Variants in WIPF3 observed in about 807,000 individuals in gnomAD.
WIPF3 encodes WAS/WASL-interacting protein family member 3.
WIPF3 carries 33 observed loss-of-function variants against 38.9 expected under a neutral mutation model. The observed-to-expected ratio is 0.85, with a 90% CI of 0.64 to 1.14. The LOEUF (loss-of-function observed/expected upper bound fraction) is 1.14, where lower values mean the gene tolerates loss of function less well. Among genes scored for constraint, WIPF3 ranks in the 50% most tolerant of loss-of-function variants. The probability of loss-of-function intolerance (pLI) is 0.00; values close to 1 mark genes in which losing one functional copy is unlikely to be tolerated. For missense variants in WIPF3, 711 were observed against 652.5 expected (o/e 1.09, Z -0.98); for synonymous variants, 324 against 269.3 (o/e 1.20, Z -1.99).
chr7:29,819,006 T>G (rs958177673), intron 1 of WIPF3, among the ~76,000 whole-genome samples: 1 of 152,204 alleles, frequency 6.6e-6, no homozygotes, highest in African/African-American at 2.4e-5. Context: ...ATTCTGTTCA[T>G]TTATGCTTAT....
chr7:29,862,340 T>A (rs1028863512), intron 2 of WIPF3, among the ~76,000 whole-genome samples: 2 of 152,146 alleles, frequency 1.3e-5, no homozygotes, highest in African/African-American at 4.8e-5. Flanking sequence ...TTTCCGGATG[T>A]CTAAACTTTC....
intron 8 of WIPF3, among the ~76,000 whole-genome samples, chr7:29,910,881 G>A (rs956537691): frequency 4.0e-4 from 61 of 152,196 alleles, no homozygotes; most frequent in African/African-American, 1.4e-3. Flanking sequence ...TGCTTTCATC[G>A]CTTCTATTCA....
rs530039064 is a variant in WIPF3, at chr7:29,833,158, T to C, written c.-57-1510T>C. On this transcript the variant is annotated intron_variant, in intron 1 of 8. Transcript: ENST00000242140. ...AAGTAGAACAGAGGTTACTGGGGGC[T>C]GAGGGGAGGAGACAGTGGGGAGTTA... Among the ~76,000 whole-genome samples the C allele has an allele frequency of 7.9e-5, 12 of 152,260 alleles. No individual in the cohort carries two copies. In the East Asian group the frequency reaches 1.4e-3, roughly 17 times the overall value.
At chr7:29,900,919 G>C (rs1786262890) in intron 7 of WIPF3, among the ~76,000 whole-genome samples, 1 of 152,162 alleles carries the variant, frequency 6.6e-6, no homozygotes, top group African/African-American at 2.4e-5. Context: ...GCCCAGAGCT[G>C]ACAGTTAGGT....
chr7:29,857,021 GA>G (rs1785196440), intron 2 of WIPF3, among the ~76,000 whole-genome samples: 1 of 152,164 alleles, frequency 6.6e-6, no homozygotes, highest in Non-Finnish European at 1.5e-5. Context: ...GAGATAATAT[GA>G]AGTAATATAT....
At chr7:29,870,816 G>A (rs757155983) in intron 2 of WIPF3, among the ~76,000 whole-genome samples, 84 of 152,212 alleles carry the variant, frequency 5.5e-4, no homozygotes, top group Admixed American at 1.2e-3. Context: ...AATTAGCTGG[G>A]CGTGGTGGTG....
At chr7:29,901,286 C>A (rs1033156398) in intron 7 of WIPF3, among the ~76,000 whole-genome samples, 12 of 151,940 alleles carry the variant, frequency 7.9e-5, no homozygotes, top group Admixed American at 3.3e-4. Flanking sequence ...ATTCTGGTGG[C>A]ATCTCATAAG....
At chr7:29,880,233 C>A (rs1785687340) in intron 4 of WIPF3, among the ~76,000 whole-genome samples, 1 of 152,164 alleles carries the variant, frequency 6.6e-6, no homozygotes, top group Non-Finnish European at 1.5e-5. Context: ...GGAGGAAATA[C>A]AAAGGCCCAA....
chr7:29,892,233 C>T (rs527310389), intron 7 of WIPF3, among the ~76,000 whole-genome samples: 3 of 152,308 alleles, frequency 2.0e-5, no homozygotes, highest in South Asian at 2.1e-4. Flanking sequence ...TGGCCCCCTA[C>T]AGTCACAGAG....
intron 1 of WIPF3, among the ~76,000 whole-genome samples, chr7:29,830,101 G>A (rs1000568151): frequency 3.5e-4 from 51 of 147,552 alleles, no homozygotes; most frequent in Admixed American, 8.8e-4. Flanking sequence ...ATTGTATCTG[G>A]AAAAAAAAAA....
chr7:29,875,751 A>C, intron 2 of WIPF3, 79 bp from the exon 3 acceptor site: 1 of 1,559,154 alleles, frequency 6.4e-7, no homozygotes, highest in South Asian at 1.2e-5. Context: ...GAACTGCAAG[A>C]GGAGAAACTG....
Position 29,884,373 on chromosome 7 carries a change from G to GCCCCCCCCC in WIPF3, c.884_885insCCCCCCCCC (p.Pro293_Pro295dup). On this transcript the variant is annotated inframe_insertion, in exon 5 of 9. Transcript: ENST00000242140. The stretch of plus-strand genomic sequence containing the variant: ...ATGCGCAGGAGCCTCCCGCCCCGCC[G>GCCCCCCCCC]CCCCCGCTCCCCCCTTATGCTTCTT... 3 of 458,248 alleles carry GCCCCCCCCC rather than the reference G, an allele frequency of 6.5e-6. No individual in the cohort carries two copies. The allele number at this position is 458,248 out of a possible 1,614,324, so 28.4% of individuals were successfully genotyped here. A position where few individuals can be genotyped will look rare whatever the true frequency, so the allele number is the denominator to read the frequency against.
At chr7:29,850,801 A>G (rs1339917103) in intron 2 of WIPF3, among the ~76,000 whole-genome samples, 2 of 152,210 alleles carry the variant, frequency 1.3e-5, no homozygotes, top group East Asian at 3.8e-4. Context: ...TGTTGGAGGG[A>G]TACCTGAGCT....
chr7:29,869,216 C>T (rs1027590659), intron 2 of WIPF3, among the ~76,000 whole-genome samples: 4 of 152,088 alleles, frequency 2.6e-5, no homozygotes, highest in African/African-American at 7.2e-5. Context: ...TTAGTAGAGA[C>T]GGGGTTTCTC....
chr7:29,820,019 C>CA (rs1351944862), intron 1 of WIPF3, among the ~76,000 whole-genome samples: 1 of 151,924 alleles, frequency 6.6e-6, no homozygotes, highest in Non-Finnish European at 1.5e-5. Flanking sequence ...CCGTACCTTG[C>CA]AATTATTTTA....
intron 2 of WIPF3, among the ~76,000 whole-genome samples, chr7:29,839,896 T>C (rs2128066460): frequency 6.6e-6 from 1 of 152,344 alleles, no homozygotes; most frequent in African/African-American, 2.4e-5. Context: ...TCCATTCTTC[T>C]CACTAGTAGG....
intron 8 of WIPF3, among the ~76,000 whole-genome samples, chr7:29,906,815 ATTATCAGTAAAT>A (rs1019925040): frequency 6.6e-6 from 1 of 152,230 alleles, no homozygotes; most frequent in Non-Finnish European, 1.5e-5. Context: ...CTTCAGTAAG[ATTATCAGTAAAT>A]TTATCATCCA....
chr7:29,826,196 C>A (rs528814934), intron 1 of WIPF3, among the ~76,000 whole-genome samples: 1 of 152,234 alleles, frequency 6.6e-6, no homozygotes, highest in Admixed American at 6.5e-5. Context: ...ATAAAACTCC[C>A]CTGTAGATAA....
At chr7:29,843,889 G>A (rs974108813) in intron 2 of WIPF3, among the ~76,000 whole-genome samples, 1 of 151,970 alleles carries the variant, frequency 6.6e-6, no homozygotes. Flanking sequence ...CATCAGGTGG[G>A]GTGAGGAGGG....
Sources: allele counts gnomAD v4.1 joint callset (sites outside exome capture counted in the v4.1 genomes callset), GRCh38; gene constraint gnomAD v4.1.1; transcripts MANE v1.5; gene names NCBI Gene and HGNC (gene_info 2026-07-23, HGNC 2026-07-21).